Variants in ASIP observed in about 807,000 individuals in gnomAD.
ASIP encodes agouti-signaling protein.
Under a neutral mutation model 10.3 loss-of-function variants are expected in ASIP, and 11 were observed. That is an observed-to-expected ratio of 1.07 (90% CI 0.68 to 1.78). ASIP has a LOEUF of 1.78. ASIP is among the 40% of genes most tolerant of loss of function. ASIP has a pLI of 0.00. For synonymous variants in ASIP, 70 were observed against 70.8 expected (o/e 0.99, Z 0.06); for missense variants, 180 against 169.2 (o/e 1.06, Z -0.35).
At chr20:34,266,159 C>T (rs1187202838) in intron 3 of ASIP, among the ~76,000 whole-genome samples, 2 of 151,182 alleles carry the variant, frequency 1.3e-5, no homozygotes, top group Non-Finnish European at 2.9e-5. Flanking sequence ...CAAGACCATC[C>T]TGGCTAACAC....
intron 1 of ASIP, among the ~76,000 whole-genome samples, chr20:34,255,307 A>C (rs2035548476): frequency 6.6e-6 from 1 of 152,108 alleles, no homozygotes; most frequent in Non-Finnish European, 1.5e-5. Flanking sequence ...AATCTTCCCC[A>C]AACTCCTGCC....
At chr20:34,215,239 A>T (rs1051864883) in intron 1 of ASIP, 4 of 1,565,482 alleles carry the variant, frequency 2.6e-6, no homozygotes, top group Non-Finnish European at 3.5e-6. Flanking sequence ...TAAAAGGGAT[A>T]AGTCAATCCA....
At chr20:34,225,566 T>A (rs928731689) in intron 1 of ASIP, among the ~76,000 whole-genome samples, 3 of 152,112 alleles carry the variant, frequency 2.0e-5, no homozygotes, top group Non-Finnish European at 2.9e-5. Context: ...ACAAAAAAAA[T>A]TAAAATTACA....
At chr20:34,265,061 C>CT (rs1485377242) in intron 3 of ASIP, among the ~76,000 whole-genome samples, 1 of 152,100 alleles carries the variant, frequency 6.6e-6, no homozygotes, top group East Asian at 1.9e-4. Flanking sequence ...TCCTAAACTG[C>CT]TGGGATTACC....
intron 1 of ASIP, chr20:34,215,928 A>C: frequency 1.2e-6 from 1 of 814,854 alleles, no homozygotes; most frequent in Non-Finnish European, 2.2e-6. Context: ...TGGTTATAAT[A>C]GGCTTGCCCT....
chr20:34,242,012 T>C lies in ASIP; in HGVS notation c.-11+523T>C, dbSNP rs748177569. 1.1e-4 allele frequency among the ~76,000 whole-genome samples: 16 copies of C among 152,144 alleles called. 1 individual carries two copies. Among genetic ancestry groups the C allele is most frequent in the Admixed American group, 1.0e-3 (16 of 15,268 alleles). ...TAAATGTTTGACTTTTCTGAATGGA[T>C]ATCCATATTCACACATTTTAATGCC... On this transcript the variant is annotated intron_variant, in intron 1 of 3. Transcript: ENST00000374954.
intron 2 of ASIP, 86 bp downstream of exon 2, chr20:34,260,620 C>T (rs530516651): frequency 1.0e-4 from 145 of 1,385,610 alleles, no homozygotes; most frequent in Non-Finnish European, 7.1e-5. Context: ...CAGGATCCAC[C>T]GCCATGGTCA....
intron 2 of ASIP, among the ~76,000 whole-genome samples, chr20:34,261,314 C>T (rs1427084815): frequency 6.6e-6 from 1 of 152,010 alleles, no homozygotes; most frequent in African/African-American, 2.4e-5. Flanking sequence ...GACTGAGCGA[C>T]ATAGGGAGAC....
At chr20:34,253,858 G>C (rs1267199399) in intron 1 of ASIP, among the ~76,000 whole-genome samples, 1 of 152,122 alleles carries the variant, frequency 6.6e-6, no homozygotes, top group East Asian at 1.9e-4. Context: ...CGTGTGTCTG[G>C]ATCCTTCTTT....
rs566744460 is a variant in ASIP, at chr20:34,268,904, T to A, written c.223-87T>A. On this transcript the variant is annotated intron_variant, in intron 3 of 3. Transcript: ENST00000374954. ...GCGGGGAAACCTCTGGTCCGGGATCTCCCTAGCCCGAGGAGCTCCCAGGCA... is the reference window on the plus strand; with the variant it reads ...GCGGGGAAACCTCTGGTCCGGGATCACCCTAGCCCGAGGAGCTCCCAGGCA... The A allele has an allele frequency of 9.8e-4, 1,469 of 1,498,674 alleles. 1 individual carries two copies. The highest frequency in any genetic ancestry group is 1.2e-3 in the Non-Finnish European group (1,348 of 1,105,808). The allele number at this position is 1,498,674 out of a possible 1,614,324, so 92.8% of individuals were successfully genotyped here. A position where few individuals can be genotyped will look rare whatever the true frequency, so the allele number is the denominator to read the frequency against.
chr20:34,187,560 G>C, the ASIP span, among the ~76,000 whole-genome samples: 1 of 152,180 alleles, frequency 6.6e-6, no homozygotes, highest in Non-Finnish European at 1.5e-5. Flanking sequence ...GGAGGATCGT[G>C]AATTTCCTAA....
At chr20:34,215,124 G>T in intron 1 of ASIP, 1 of 1,579,690 alleles carries the variant, frequency 6.3e-7, no homozygotes, top group Non-Finnish European at 8.7e-7. Context: ...TATCAACAGG[G>T]TCCATTCCTT....
At chr20:34,235,790 A>AAAG (rs2035174614) in intron 1 of ASIP, among the ~76,000 whole-genome samples, 3 of 36,824 alleles carry the variant, frequency 8.1e-5, no homozygotes, top group African/African-American at 4.7e-4. Context: ...GAGAAAGAAG[A>AAAG]AAGAAAGAAA....
chr20:34,268,290 G>T (rs2035822566), intron 3 of ASIP, among the ~76,000 whole-genome samples: 1 of 152,132 alleles, frequency 6.6e-6, no homozygotes, highest in African/African-American at 2.4e-5. Flanking sequence ...GCTCCTGCTG[G>T]GTTCCTGCAG....
chr20:34,214,367 C>T (rs1298799792), intron 1 of ASIP: 30 of 1,321,610 alleles, frequency 2.3e-5, no homozygotes, highest in Middle Eastern at 2.5e-4. Flanking sequence ...AGAACTCCAA[C>T]GTCACAGATG....
rs1443018852 is a variant in ASIP, at chr20:34,221,726, C to CT, written c.-11+26967dup. On this transcript the variant is annotated intron_variant, in intron 1 of 3. Coordinates refer to the ASIP transcript ENST00000568305. Reference sequence around the variant, plus strand: ...AAAAAGAAAACTGGAACCATACAGACTAAGAAGGTGTGTGTGAGCCTAATT... The same window carrying CT: ...AAAAAGAAAACTGGAACCATACAGACTTAAGAAGGTGTGTGTGAGCCTAATT... Among the ~76,000 whole-genome samples, 6 of 152,236 alleles carry CT rather than the reference C, an allele frequency of 3.9e-5. No individual in the cohort carries two copies. In the East Asian group the frequency reaches 1.2e-3, roughly 29 times the overall value.
chr20:34,236,545 CA>C (rs201898441), upstream of ASIP, among the ~76,000 whole-genome samples: 38 of 136,940 alleles, frequency 2.8e-4, no homozygotes, highest in Middle Eastern at 4.4e-3. Context: ...AACTCTGTCT[CA>C]AAAAAAAAAA....
intron 1 of ASIP, among the ~76,000 whole-genome samples, chr20:34,235,835 AAGAAAGAAG>A (rs1442445652): frequency 5.9e-5 from 4 of 67,678 alleles, no homozygotes; most frequent in Non-Finnish European, 7.1e-5. Context: ...GAAAGAAAGA[AAGAAAGAAG>A]GAAGGAAGGA....
intron 1 of ASIP, among the ~76,000 whole-genome samples, chr20:34,201,223 C>A (rs1411934780): frequency 6.6e-6 from 1 of 151,960 alleles, no homozygotes; most frequent in East Asian, 1.9e-4. Flanking sequence ...GTGACAAGGA[C>A]CTGACAGAGC....
Sources: allele counts gnomAD v4.1 joint callset (sites outside exome capture counted in the v4.1 genomes callset), GRCh38; gene constraint gnomAD v4.1.1; transcripts MANE v1.5; gene names NCBI Gene and HGNC (gene_info 2026-07-23, HGNC 2026-07-21).